The following PCDH11Y variants were observed in gnomAD, a reference collection of about 807,000 sequenced individuals.
PCDH11Y encodes protocadherin-11 Y-linked.
For missense variants in PCDH11Y, 12 were observed against 224.8 expected (o/e 0.05, Z 6.05); for synonymous variants, 9 against 83.6 (o/e 0.11, Z 4.87).
chrY:5,317,539 CTGAT>C (rs2053108526), intron 2 of PCDH11Y, among the ~76,000 whole-genome samples: 1 of 32,653 alleles, frequency 3.1e-5, no homozygotes, highest in African/African-American at 1.2e-4. Flanking sequence ...GTAATTGTGA[CTGAT>C]TGAGTTATTG....
chrY:5,008,215 T>C (rs2052542322), intron 1 of PCDH11Y, among the ~76,000 whole-genome samples: 1 of 29,711 alleles, frequency 3.4e-5, no homozygotes, highest in Non-Finnish European at 8.1e-5. Context: ...ACTATCCTAC[T>C]GTCATTTTTT....
At chrY:5,601,177 G>A (rs2053472390) in intron 4 of PCDH11Y, among the ~76,000 whole-genome samples, 1 of 32,834 alleles carries the variant, frequency 3.0e-5, no homozygotes, top group Non-Finnish European at 7.5e-5. Context: ...ATAGGCATAT[G>A]CCACCACTCC....
At chrY:5,174,926 T>C in intron 2 of PCDH11Y, among the ~76,000 whole-genome samples, 1 of 31,752 alleles carries the variant, frequency 3.1e-5, no homozygotes, top group Admixed American at 3.0e-4. Context: ...AGAGTAGCCT[T>C]TCTATTTTTC....
chrY:5,250,730 A>G (rs2053003107), intron 2 of PCDH11Y, among the ~76,000 whole-genome samples: 1 of 31,932 alleles, frequency 3.1e-5, no homozygotes, highest in African/African-American at 1.2e-4. Context: ...GTTTACCTAT[A>G]TAACAAACCT....
chrY:5,171,190 C>T (rs2052886137), intron 2 of PCDH11Y, among the ~76,000 whole-genome samples: 1 of 29,959 alleles, frequency 3.3e-5, no homozygotes, highest in South Asian at 7.8e-4. Flanking sequence ...TCCTCCAGGC[C>T]TTGGCATGGC....
intron 1 of PCDH11Y, among the ~76,000 whole-genome samples, chrY:5,003,124 C>T: frequency 2.9e-5 from 1 of 33,976 alleles, no homozygotes; most frequent in Non-Finnish European, 7.4e-5. Context: ...CTCAGAGGCG[C>T]GCTAAGGCGC....
chrY:5,273,185 A>G, intron 2 of PCDH11Y, among the ~76,000 whole-genome samples: 1 of 34,244 alleles, frequency 2.9e-5, no homozygotes, highest in Non-Finnish European at 7.3e-5. Flanking sequence ...GATTTAGAGG[A>G]AAGTAACACT....
chrY:5,242,263 A>AAT lies in PCDH11Y; in HGVS notation c.3129+141566_3129+141567dup, dbSNP rs2052989286. 1.6e-4 allele frequency among the ~76,000 whole-genome samples: 3 copies of AAT among 18,615 alleles called. No homozygotes were observed. In the East Asian group the frequency reaches 4.3e-3, roughly 27 times the overall value. 49.9% of individuals were successfully genotyped at this position (18,615 alleles called of 37,273 possible). On this transcript the variant is annotated intron_variant, in intron 2 of 4. Transcript: ENST00000400457. ...GATGACAGAGTGAGACTCTGTCTCA[A>AAT]ATATATATATAGAGAGAGATAATAA...
intron 2 of PCDH11Y, among the ~76,000 whole-genome samples, chrY:5,418,678 A>G: frequency 6.0e-5 from 2 of 33,171 alleles, no homozygotes; most frequent in East Asian, 7.9e-4. Context: ...CTACACAGAT[A>G]TATCAGTTTT....
chrY:5,292,173 T>A, intron 2 of PCDH11Y, among the ~76,000 whole-genome samples: 1 of 32,937 alleles, frequency 3.0e-5, no homozygotes, highest in African/African-American at 1.2e-4. Flanking sequence ...GATTTTTGCA[T>A]CAATATTCAG....
chrY:5,385,494 G>C, intron 2 of PCDH11Y, among the ~76,000 whole-genome samples: 1 of 31,441 alleles, frequency 3.2e-5, no homozygotes, highest in African/African-American at 1.2e-4. Context: ...TTTTATGGCT[G>C]AGTAGTATCC....
chrY:5,612,378 T>A, intron 4 of PCDH11Y, among the ~76,000 whole-genome samples: 1 of 32,992 alleles, frequency 3.0e-5, no homozygotes, highest in South Asian at 6.7e-4. Flanking sequence ...TAAAAGGTCA[T>A]AAATACAGAT....
chrY:5,108,554 T>C (rs1602868904), downstream of PCDH11Y, among the ~76,000 whole-genome samples: 17 of 30,477 alleles, frequency 5.6e-4, no homozygotes, highest in East Asian at 1.8e-3. Flanking sequence ...GAGACCATCC[T>C]GGCTAACACA....
intron 2 of PCDH11Y, among the ~76,000 whole-genome samples, chrY:5,468,882 T>C (rs2053310713): frequency 3.0e-5 from 1 of 32,974 alleles, no homozygotes; most frequent in Admixed American, 2.8e-4. Flanking sequence ...TTATTTCATT[T>C]AACTAATTTG....
intron 4 of PCDH11Y, among the ~76,000 whole-genome samples, chrY:5,694,704 T>A: frequency 4.0e-4 from 13 of 32,352 alleles, no homozygotes; most frequent in Admixed American, 3.8e-3. Context: ...CTTTATAAAA[T>A]AATATATTAT....
chrY:5,554,618 C>T, intron 3 of PCDH11Y, among the ~76,000 whole-genome samples: 1 of 33,445 alleles, frequency 3.0e-5, no homozygotes, highest in African/African-American at 1.2e-4. Flanking sequence ...CCCTGTGTCC[C>T]AGCTGCTTCA....
At chrY:5,162,969 C>T in intron 2 of PCDH11Y, among the ~76,000 whole-genome samples, 3 of 31,586 alleles carry the variant, frequency 9.5e-5, no homozygotes, top group African/African-American at 3.7e-4. Flanking sequence ...AATTTAATGA[C>T]GGCTCTGAAC....
At chrY:5,129,011 T>C (rs2052829395) in intron 2 of PCDH11Y, among the ~76,000 whole-genome samples, 1 of 33,056 alleles carries the variant, frequency 3.0e-5, no homozygotes, top group Non-Finnish European at 7.5e-5. Context: ...TTATTACTCT[T>C]TTACTCTTTT....
intron 2 of PCDH11Y, among the ~76,000 whole-genome samples, chrY:5,328,238 T>C (rs2124666959): frequency 2.6e-4 from 9 of 34,016 alleles, no homozygotes; most frequent in African/African-American, 1.0e-3. Flanking sequence ...ATTTCTGGCA[T>C]GTGTAACAAG....
Sources: allele counts gnomAD v4.1 joint callset (sites outside exome capture counted in the v4.1 genomes callset), GRCh38; gene constraint gnomAD v4.1.1; transcripts MANE v1.5; gene names NCBI Gene and HGNC (gene_info 2026-07-23, HGNC 2026-07-21).